The following ADCY2 variants were observed in gnomAD, a reference collection of about 807,000 sequenced individuals.
ADCY2 encodes adenylate cyclase type 2.
ADCY2 carries 31 observed loss-of-function variants against 125.2 expected under a neutral mutation model. That is an observed-to-expected ratio of 0.25 (90% CI 0.19 to 0.33). The LOEUF is 0.33. ADCY2 is among the 10% of genes least tolerant of loss of function. The pLI is 1.00. For synonymous variants in ADCY2, 512 were observed against 548.4 expected (o/e 0.93, Z 0.93); for missense variants, 904 against 1,418.2 (o/e 0.64, Z 5.82).
In ADCY2 at chr5:7,706,795, T is replaced by C; in HGVS notation, c.1161T>C (p.His387=). 2 of 1,614,222 alleles carry C rather than the reference T, an allele frequency of 1.2e-6. No homozygotes were observed. ...ATATCAACATGCGCGTGGGCGTGCA[T>C]TCTGGGAATGTCCTGTGTGGCGTGA... ...GVDINMRVGV[H]SGNVLCGVIG... The change falls in exon 8 of 25, where the codon CAT becomes CAC. Residue 387 remains histidine (H), a synonymous_variant. Transcript: ENST00000338316.
At chr5:7,714,517 C>T (rs1232910989) in intron 11 of ADCY2, among the ~76,000 whole-genome samples, 1 of 152,208 alleles carries the variant, frequency 6.6e-6, no homozygotes, top group Non-Finnish European at 1.5e-5. Context: ...GAATCTGTTG[C>T]CATTATCATT....
chr5:7,751,475 C>T (rs546616233), intron 15 of ADCY2, among the ~76,000 whole-genome samples: 2 of 152,276 alleles, frequency 1.3e-5, no homozygotes, highest in South Asian at 2.1e-4. Context: ...TATCATTTAC[C>T]AGCAGTGTCA....
chr5:7,466,265 C>T (rs1742113807), intron 2 of ADCY2, among the ~76,000 whole-genome samples: 2 of 152,138 alleles, frequency 1.3e-5, no homozygotes, highest in African/African-American at 4.8e-5. Context: ...GTTATAACCT[C>T]ATGTGGTGGC....
intron 3 of ADCY2, among the ~76,000 whole-genome samples, chr5:7,566,990 T>A (rs74763702): frequency 6.6e-6 from 1 of 152,212 alleles, no homozygotes; most frequent in Non-Finnish European, 1.5e-5. Flanking sequence ...TCTAAGTAGA[T>A]TATATTGCCA....
intron 12 of ADCY2, 46 bp downstream of exon 12, chr5:7,717,283 T>C (rs6878196): frequency 0.44 from 614,117 of 1,390,970 alleles, 146,436 homozygotes; most frequent in East Asian, 0.95. Context: ...TTTATTATGT[T>C]CCAGTTGTAT....
chr5:7,448,404 C>A (rs2126414993), intron 2 of ADCY2, among the ~76,000 whole-genome samples: 1 of 152,234 alleles, frequency 6.6e-6, no homozygotes, highest in Non-Finnish European at 1.5e-5. Flanking sequence ...TAGCAGATGG[C>A]TCTGACTTAT....
At chr5:7,650,548 G>A (rs534170466) in intron 4 of ADCY2, among the ~76,000 whole-genome samples, 1 of 152,246 alleles carries the variant, frequency 6.6e-6, no homozygotes, top group African/African-American at 2.4e-5. Flanking sequence ...CAGGATGGAG[G>A]AACCCCACAG....
chr5:7,643,363 A>G (rs547804245), intron 4 of ADCY2, among the ~76,000 whole-genome samples: 4 of 152,152 alleles, frequency 2.6e-5, no homozygotes, highest in Admixed American at 1.3e-4. Context: ...TAAATTCTCT[A>G]TTCACTCTAG....
chr5:7,440,577 C>T (rs1266616672), intron 2 of ADCY2, among the ~76,000 whole-genome samples: 1 of 152,158 alleles, frequency 6.6e-6, no homozygotes, highest in Non-Finnish European at 1.5e-5. Flanking sequence ...GTCCCTTATT[C>T]AGCCTAATTC....
intron 2 of ADCY2, among the ~76,000 whole-genome samples, chr5:7,457,776 T>G (rs534680086): frequency 6.6e-6 from 1 of 152,282 alleles, no homozygotes; most frequent in African/African-American, 2.4e-5. Context: ...GCTTCCTCAT[T>G]TTTCTCTGAA....
At chr5:7,639,245 A>G (rs1341775582) in intron 4 of ADCY2, among the ~76,000 whole-genome samples, 1 of 152,190 alleles carries the variant, frequency 6.6e-6, no homozygotes, top group African/African-American at 2.4e-5. Flanking sequence ...TACTCTCCAA[A>G]CACCAACTGA....
chr5:7,768,331 T>C (rs1258826248), intron 17 of ADCY2, among the ~76,000 whole-genome samples: 1 of 152,168 alleles, frequency 6.6e-6, no homozygotes, highest in East Asian at 1.9e-4. Context: ...TTGTGGGCCA[T>C]TTGGAGCTCT....
rs151256440 is a variant in ADCY2 at position 7,593,805 on chromosome 5, A to G, written c.571-32362A>G. Reference sequence around the variant, plus strand: ...GAAGATGAGACAATAGACAAACGTGAAAAAAAAAATAACATGACAGAGTGT... The same window carrying G: ...GAAGATGAGACAATAGACAAACGTGGAAAAAAAAATAACATGACAGAGTGT... On this transcript the variant is annotated intron_variant, in intron 3 of 24. Coordinates refer to ENST00000338316, the MANE Select transcript of ADCY2 (RefSeq NM_020546.3). Among the ~76,000 whole-genome samples, 133 of 149,830 alleles carry G rather than the reference A, an allele frequency of 8.9e-4. 1 individual carries two copies. Among genetic ancestry groups the G allele is most frequent in the African/African-American group, 2.7e-3 (112 of 41,098 alleles).
intron 2 of ADCY2, among the ~76,000 whole-genome samples, chr5:7,439,573 T>C (rs1206588587): frequency 1.3e-5 from 2 of 152,120 alleles, no homozygotes; most frequent in Non-Finnish European, 2.9e-5. Flanking sequence ...AAAGTATGTG[T>C]GTACATATAC....
At chr5:7,585,834 C>T (rs1015416253) in intron 3 of ADCY2, among the ~76,000 whole-genome samples, 4 of 152,174 alleles carry the variant, frequency 2.6e-5, no homozygotes, top group African/African-American at 9.7e-5. Context: ...GGTGTTCTTA[C>T]CACCACCAAA....
At position 7,824,852 on chromosome 5, in the gene ADCY2, C is replaced by T. The variant is rs114379584; in HGVS notation, c.3124-1867C>T. On this transcript the variant is annotated intron_variant, in intron 24 of 24. Coordinates refer to ENST00000338316, the MANE Select transcript of ADCY2 (RefSeq NM_020546.3). ...CTGGGCTCTCATGAGCACAGCCCCT[C>T]ATGGTTTCCTTGCACTTCTACCTCT... 6.2e-3 allele frequency among the ~76,000 whole-genome samples: 943 copies of T among 152,344 alleles called. 5 individuals carry two copies. The highest frequency in any genetic ancestry group is 9.9e-3 in the Non-Finnish European group (671 of 68,030).
At chr5:7,424,257 C>T (rs1487800429) in intron 2 of ADCY2, among the ~76,000 whole-genome samples, 1 of 152,224 alleles carries the variant, frequency 6.6e-6, no homozygotes, top group African/African-American at 2.4e-5. Flanking sequence ...CAAGGTCCTC[C>T]AGTAGCAGGC....
chr5:7,538,711 C>T (rs1465885343), intron 3 of ADCY2, among the ~76,000 whole-genome samples: 2 of 151,948 alleles, frequency 1.3e-5, no homozygotes, highest in African/African-American at 4.8e-5. Context: ...GGAAGAAATG[C>T]AACATTATGT....
At chr5:7,713,449 G>A (rs1220081404) in intron 11 of ADCY2, among the ~76,000 whole-genome samples, 1 of 151,268 alleles carries the variant, frequency 6.6e-6, no homozygotes, top group African/African-American at 2.4e-5. Context: ...AGCCGAGATC[G>A]TGCCACTACA....
Sources: gnomAD v4.1 joint callset for allele counts (sites outside exome capture counted in the v4.1 genomes callset) on GRCh38, gnomAD v4.1.1 for gene constraint, MANE v1.5 for transcripts, NCBI Gene and HGNC (gene_info 2026-07-23, HGNC 2026-07-21) for gene names.